Variants in ALPK2 observed in about 807,000 individuals in gnomAD.
The protein encoded by ALPK2 is alpha kinase 2, also known as alpha-protein kinase 2.
ALPK2 carries 127 observed loss-of-function variants against 163.1 expected under a neutral mutation model. The observed-to-expected ratio is 0.78, with a 90% CI of 0.67 to 0.90. The LOEUF (loss-of-function observed/expected upper bound fraction) is 0.90. Among genes scored for constraint, ALPK2 ranks in the 40% least tolerant of loss-of-function variants. ALPK2 has a pLI of 0.00. For synonymous variants in ALPK2, 953 were observed against 959.1 expected (o/e 0.99, Z 0.12); for missense variants, 2,360 against 2,589.6 (o/e 0.91, Z 1.92).
At position 58,536,071 on chromosome 18, in the gene ALPK2, C is replaced by G. The variant is rs777492887; in HGVS notation, c.4116G>C (p.Val1372=). 6.2e-7 allele frequency: 1 copy of G among 1,614,188 alleles called. No homozygotes were observed. The highest frequency in any genetic ancestry group is 8.5e-7 in the Non-Finnish European group (1 of 1,180,024). Residue 1372 remains valine, a synonymous_variant, in exon 5 of 13, where the codon GTG becomes GTC. Coordinates refer to ENST00000361673, the MANE Select transcript of ALPK2 (RefSeq NM_052947.4). ...ETGGKENVNN[V]SQDQEEKQLK... ...GTTGTTTTTCCTCCTGGTCTTGACT[C>G]ACATTGTTAACATTTTCCTTCCCTC... is the stretch of plus-strand genomic sequence containing the variant.
chr18:58,610,954 T>A (rs1231658197), intron 2 of ALPK2, among the ~76,000 whole-genome samples: 1 of 151,432 alleles, frequency 6.6e-6, no homozygotes, highest in East Asian at 1.9e-4. Flanking sequence ...ATTAGCCGGG[T>A]GTAGTGGCGG....
intron 4 of ALPK2, among the ~76,000 whole-genome samples, chr18:58,557,508 T>G (rs1191556098): frequency 6.8e-6 from 1 of 146,962 alleles, no homozygotes; most frequent in Non-Finnish European, 1.5e-5. Context: ...AGGCTGTGCA[T>G]TTGTGGGAGC....
intron 4 of ALPK2, among the ~76,000 whole-genome samples, chr18:58,549,507 T>A (rs1429691368): frequency 6.6e-6 from 1 of 152,194 alleles, no homozygotes; most frequent in Non-Finnish European, 1.5e-5. Flanking sequence ...GGAGGAAACA[T>A]CTGGAATTCA....
rs201251564 is a variant in ALPK2 at position 58,580,566 on chromosome 18, T to C, written c.228-18A>G. 390 of 1,593,212 alleles carry C rather than the reference T, an allele frequency of 2.4e-4. No individual in the cohort carries two copies. The highest frequency in any genetic ancestry group is 2.7e-4 in the Non-Finnish European group (311 of 1,168,062). ...TGGTACAGCTAGGATGAAGAGAATA[T>C]ATAGATAAGTTTGCCACATTTGGAC... On this transcript the variant is annotated intron_variant, in intron 3 of 12. Transcript: ENST00000361673.
intron 8 of ALPK2, among the ~76,000 whole-genome samples, chr18:58,518,205 C>CA (rs146678773): frequency 0.017 from 2,518 of 152,296 alleles, 71 homozygotes; most frequent in African/African-American, 0.058. Flanking sequence ...TTTCTATATA[C>CA]ATGCTTCAGG....
rs370066967 is a variant in ALPK2, at chr18:58,605,784, C to T, written c.227+1538G>A. Reference sequence around the variant, plus strand: ...GGTCAAGGGCCAGCAAATGCCAATCCGGCTGTCTCCCAAGTATACTGGAGT... The same window carrying T: ...GGTCAAGGGCCAGCAAATGCCAATCTGGCTGTCTCCCAAGTATACTGGAGT... On this transcript the variant is annotated intron_variant, in intron 3 of 12. Coordinates refer to ENST00000361673, the MANE Select transcript of ALPK2 (RefSeq NM_052947.4). 2.5e-4 allele frequency among the ~76,000 whole-genome samples: 38 copies of T among 152,330 alleles called. No individual in the cohort carries two copies. The East Asian group carries it at 4.6e-3, about 19-fold the overall frequency.
At chr18:58,555,147 C>T (rs1448984856) in intron 4 of ALPK2, among the ~76,000 whole-genome samples, 1 of 152,212 alleles carries the variant, frequency 6.6e-6, no homozygotes, top group East Asian at 1.9e-4. Context: ...AATCTTAACA[C>T]ACAACACTTC....
At chr18:58,484,983 G>A (rs1238747293) in intron 12 of ALPK2, among the ~76,000 whole-genome samples, 3 of 152,196 alleles carry the variant, frequency 2.0e-5, no homozygotes, top group Non-Finnish European at 4.4e-5. Context: ...TAGGGGCAGA[G>A]GGTGCCTGGC....
At chr18:58,534,200 T>C (rs1236529192) in intron 5 of ALPK2, among the ~76,000 whole-genome samples, 2 of 152,150 alleles carry the variant, frequency 1.3e-5, no homozygotes, top group Non-Finnish European at 2.9e-5. Flanking sequence ...TCAAGGACTT[T>C]TGAGGCTTGA....
At chr18:58,612,025 A>C (rs553174721) in intron 1 of ALPK2, among the ~76,000 whole-genome samples, 2 of 152,084 alleles carry the variant, frequency 1.3e-5, no homozygotes, top group African/African-American at 2.4e-5. Context: ...TGTCCTGTGC[A>C]TTGCAGGATA....
chr18:58,542,675 AGGTGT>A (rs1389651977), intron 4 of ALPK2, among the ~76,000 whole-genome samples: 1 of 152,220 alleles, frequency 6.6e-6, no homozygotes, highest in Non-Finnish European at 1.5e-5. Flanking sequence ...TACTTGGAGA[AGGTGT>A]GGTTAGGCCA....
At chr18:58,540,046 C>T (rs2051682305) in intron 4 of ALPK2, among the ~76,000 whole-genome samples, 1 of 152,192 alleles carries the variant, frequency 6.6e-6, no homozygotes, top group Non-Finnish European at 1.5e-5. Flanking sequence ...TTAGTGAATG[C>T]CTCCAAAGTA....
chr18:58,495,533 G>A (rs144672069), intron 12 of ALPK2, among the ~76,000 whole-genome samples: 1 of 152,178 alleles, frequency 6.6e-6, no homozygotes, highest in African/African-American at 2.4e-5. Context: ...TTTTAAATCA[G>A]GAGGGGAAAA....
At chr18:58,606,193 C>A (rs2052096964) in intron 3 of ALPK2, among the ~76,000 whole-genome samples, 1 of 152,172 alleles carries the variant, frequency 6.6e-6, no homozygotes, top group Admixed American at 6.5e-5. Flanking sequence ...ATTCTTCCAC[C>A]CTGGCCTCTC....
At chr18:58,586,233 T>C (rs930309711) in intron 3 of ALPK2, among the ~76,000 whole-genome samples, 1 of 152,226 alleles carries the variant, frequency 6.6e-6, no homozygotes, top group African/African-American at 2.4e-5. Context: ...ATAATATGAA[T>C]GTTAATTTAT....
intron 3 of ALPK2, among the ~76,000 whole-genome samples, chr18:58,582,060 G>A (rs1230673519): frequency 1.3e-5 from 2 of 152,130 alleles, no homozygotes; most frequent in East Asian, 3.8e-4. Flanking sequence ...TGTTGAGTTG[G>A]CAATCTGGCT....
In ALPK2 at chr18:58,517,234, T is replaced by C. The variant is rs1040368965; in HGVS notation, c.5666-52A>G. ...AAAGAATACCTCCCAGTCCTGCTCCTTGGCTAACTCCACATGGGGAGGGTC... is the reference window on the plus strand; with the variant it reads ...AAAGAATACCTCCCAGTCCTGCTCCCTGGCTAACTCCACATGGGGAGGGTC... On this transcript the variant is annotated intron_variant, in intron 8 of 12. Transcript: ENST00000361673. 7.0e-6 allele frequency: 11 copies of C among 1,570,040 alleles called. No homozygotes were observed. The African/African-American group carries it at 1.1e-4, about 15-fold the overall frequency.
chr18:58,535,328 T>G lies in ALPK2; in HGVS notation c.4859A>C (p.Asp1620Ala). The change falls in exon 5 of 13, where the codon GAC (aspartate) becomes GCC (alanine). Residue 1620 changes from aspartate (D) to alanine (A), a missense_variant. Asp to Ala is a moderately radical substitution (Grantham distance 126). Transcript: ENST00000361673. ...CTSSPEGNVT[D>A]FLISHKMEEP... ...CTCCATTTTGTGGCTTATCAAAAAGTCTGTGACATTTCCTTCAGGAGATGA... is the reference window on the plus strand; with the variant it reads ...CTCCATTTTGTGGCTTATCAAAAAGGCTGTGACATTTCCTTCAGGAGATGA... 1 of 1,614,208 alleles carries G rather than the reference T, an allele frequency of 6.2e-7. No individual in the cohort carries two copies.
chr18:58,616,418 A>G (rs1352435571), intron 1 of ALPK2, among the ~76,000 whole-genome samples: 1 of 152,206 alleles, frequency 6.6e-6, no homozygotes. Context: ...CTCTAGAGGA[A>G]AGAATGCCAC....
Sources: allele counts gnomAD v4.1 joint callset (sites outside exome capture counted in the v4.1 genomes callset), GRCh38; gene constraint gnomAD v4.1.1; transcripts MANE v1.5; gene names NCBI Gene and HGNC (gene_info 2026-07-23, HGNC 2026-07-21).